The following ARL9 variants were observed in gnomAD, a reference collection of about 807,000 sequenced individuals.
The protein encoded by ARL9 is ARF like GTPase 9, also known as ADP-ribosylation factor-like protein 9.
In ARL9, 14 loss-of-function variants were observed where a neutral mutation model predicts 27.0. The ratio of observed to expected loss-of-function variants is 0.52; its 90% CI spans 0.34 to 0.81. The LOEUF (loss-of-function observed/expected upper bound fraction) is 0.81. Ranked by LOEUF, ARL9 falls within the 30% of genes least tolerant of loss-of-function variation. The pLI, the probability that ARL9 is intolerant of heterozygous loss-of-function variation, is 0.01. For missense variants in ARL9, 294 were observed against 290.0 expected, an observed-to-expected ratio of 1.01 and a Z score of -0.10; for synonymous variants, 106 against 108.7, an observed-to-expected ratio of 0.98 and a Z score of 0.15.
At position 56,524,090 on chromosome 4, in the gene ARL9, G is replaced by A; in HGVS notation, c.*214G>A. ...AAAACATTCAAAAAGTAAACCCACT[G>A]AAGAATAATAACACAACAATAAAAA... On this transcript the variant is annotated 3_prime_UTR_variant, in exon 4 of 4. Transcript: ENST00000640821. The A allele has an allele frequency of 2.2e-6, 1 of 448,752 alleles. No individual in the cohort carries two copies. Among genetic ancestry groups the A allele is most frequent in the Non-Finnish European group, 3.9e-6 (1 of 255,508 alleles). 27.8% of individuals were successfully genotyped at this position (448,752 alleles called of 1,614,324 possible). A position where few individuals can be genotyped will look rare whatever the true frequency, so the allele number is the denominator to read the frequency against.
Position 56,505,895 on chromosome 4 carries a change from G to C in ARL9, c.33G>C (p.Lys11Asn). 6 of 1,257,222 alleles carry C rather than the reference G, an allele frequency of 4.8e-6. No individual in the cohort carries two copies. Among genetic ancestry groups the C allele is most frequent in the Non-Finnish European group, 5.0e-6 (5 of 1,002,142 alleles). The allele number at this position is 1,257,222 out of a possible 1,614,324, so 77.9% of individuals were successfully genotyped here. A position where few individuals can be genotyped will look rare whatever the true frequency, so the allele number is the denominator to read the frequency against. ...GGGGGAAAGTGAAGAAGAAAGAGAAGGAAAAGGAGACGCAGGAGGAGAAAA... is the reference window on the plus strand; with the variant it reads ...GGGGGAAAGTGAAGAAGAAAGAGAACGAAAAGGAGACGCAGGAGGAGAAAA... Reference protein sequence around the residue: MERGKVKKKEKEKETQEEKIG... With the variant: MERGKVKKKENEKETQEEKIG... Residue 11 changes from lysine to asparagine, a missense_variant, in exon 1 of 4, where the codon AAG becomes AAC. Transcript: ENST00000640821.
intron 3 of ARL9, among the ~76,000 whole-genome samples, chr4:56,522,482 G>A (rs1049823738): frequency 6.6e-6 from 1 of 151,768 alleles, no homozygotes; most frequent in Admixed American, 6.6e-5. Flanking sequence ...GTTATTTCCA[G>A]AGATTTAAAA....
intron 1 of ARL9, among the ~76,000 whole-genome samples, chr4:56,507,496 G>A (rs945540226): frequency 1.3e-4 from 20 of 151,342 alleles, no homozygotes; most frequent in African/African-American, 4.6e-4. Context: ...TGTATTTTTG[G>A]TAGAGATGGG....
intron 2 of ARL9, among the ~76,000 whole-genome samples, chr4:56,513,291 T>A (rs1721688114): frequency 6.6e-6 from 1 of 152,220 alleles, no homozygotes. Context: ...TGGAGTATGT[T>A]GGGGATTGGT....
chr4:56,516,780 T>G (rs1458847059), intron 2 of ARL9, among the ~76,000 whole-genome samples: 1 of 151,772 alleles, frequency 6.6e-6, no homozygotes, highest in Non-Finnish European at 1.5e-5. Flanking sequence ...AAATACAAAA[T>G]TAGCCAAGCA....
At chr4:56,517,711 A>G (rs961722407) in intron 2 of ARL9, among the ~76,000 whole-genome samples, 11 of 152,198 alleles carry the variant, frequency 7.2e-5, no homozygotes, top group Admixed American at 3.3e-4. Flanking sequence ...TCCATTGTAT[A>G]TATGTTATTA....
At position 56,523,898 on chromosome 4, in the gene ARL9, G is replaced by T. The variant is rs181851273; in HGVS notation, c.*22G>T. ...GTGACCAGGACTCAGCCCACTGTGC[G>T]GCTCACGACTGAGATGTCATCAGTG... On this transcript the variant is annotated 3_prime_UTR_variant, in exon 4 of 4. Coordinates refer to ENST00000640821, the MANE Select transcript of ARL9 (RefSeq NM_001363794.2). The T allele has an allele frequency of 6.3e-7, 1 of 1,596,144 alleles. No homozygotes were observed. The highest frequency in any genetic ancestry group is 8.5e-7 in the Non-Finnish European group (1 of 1,170,756).
upstream of ARL9, chr4:56,505,419 G>A (rs1364908532): frequency 2.2e-6 from 1 of 458,486 alleles, no homozygotes. Flanking sequence ...AGGCTGGCCG[G>A]TCTCGGGATT....
chr4:56,516,032 T>G (rs1721757810), intron 2 of ARL9, among the ~76,000 whole-genome samples: 2 of 152,214 alleles, frequency 1.3e-5, no homozygotes, highest in Non-Finnish European at 2.9e-5. Context: ...ACTTGTCCTG[T>G]CAAGTATCAA....
upstream of ARL9, chr4:56,505,656 T>C (rs1721431656): frequency 3.7e-6 from 3 of 811,712 alleles, no homozygotes; most frequent in East Asian, 8.8e-5. Context: ...CCCCTGCGGG[T>C]TCAGCGAATC....
chr4:56,510,173 C>T (rs1438500729), intron 1 of ARL9, among the ~76,000 whole-genome samples: 1 of 151,654 alleles, frequency 6.6e-6, no homozygotes, highest in Non-Finnish European at 1.5e-5. Context: ...GCCTGACCAA[C>T]ATGGTGAAAC....
At chr4:56,517,177 T>C (rs1032798191) in intron 2 of ARL9, among the ~76,000 whole-genome samples, 1 of 152,220 alleles carries the variant, frequency 6.6e-6, no homozygotes, top group African/African-American at 2.4e-5. Context: ...AAACGTCCAC[T>C]GATGTTTAAA....
intron 3 of ARL9, among the ~76,000 whole-genome samples, chr4:56,521,993 CT>C (rs111319999): frequency 1.1e-3 from 154 of 143,454 alleles, no homozygotes; most frequent in Middle Eastern, 3.6e-3. Context: ...CTTTTCTTTT[CT>C]TTTTTTTTTT....
chr4:56,523,528 A>G (rs1721991379), intron 3 of ARL9, among the ~76,000 whole-genome samples, 169 bp from the exon 4 acceptor site: 1 of 152,200 alleles, frequency 6.6e-6, no homozygotes, highest in Non-Finnish European at 1.5e-5. Flanking sequence ...TTCTGATGAA[A>G]ACCTTTTTAT....
At chr4:56,519,553 C>T (rs1227690947) in intron 3 of ARL9, among the ~76,000 whole-genome samples, 3 of 151,648 alleles carry the variant, frequency 2.0e-5, no homozygotes, top group Non-Finnish European at 4.4e-5. Flanking sequence ...GAGATTGCAG[C>T]GAACCAAGAT....
At chr4:56,508,540 C>T (rs1560695432) in intron 1 of ARL9, among the ~76,000 whole-genome samples, 1 of 152,196 alleles carries the variant, frequency 6.6e-6, no homozygotes, top group African/African-American at 2.4e-5. Flanking sequence ...GCATTCGCCA[C>T]CACGCCCGGC....
chr4:56,513,300 G>A (rs1168745281), intron 2 of ARL9, among the ~76,000 whole-genome samples: 2 of 152,216 alleles, frequency 1.3e-5, no homozygotes, highest in Non-Finnish European at 1.5e-5. Context: ...TTGGGGATTG[G>A]TGGGAGGTGA....
chr4:56,508,446 G>A (rs867078445), intron 1 of ARL9, among the ~76,000 whole-genome samples: 3 of 151,850 alleles, frequency 2.0e-5, no homozygotes, highest in Non-Finnish European at 4.4e-5. Flanking sequence ...GCAATGGCGC[G>A]ATCTCAGCTC....
intron 3 of ARL9, among the ~76,000 whole-genome samples, chr4:56,520,399 A>G (rs1263092909): frequency 6.6e-6 from 1 of 152,232 alleles, no homozygotes; most frequent in Non-Finnish European, 1.5e-5. Flanking sequence ...TGAATAAGCC[A>G]GTCACAAAAG....
Sources: allele counts gnomAD v4.1 joint callset (sites outside exome capture counted in the v4.1 genomes callset), GRCh38; gene constraint gnomAD v4.1.1; transcripts MANE v1.5; gene names NCBI Gene and HGNC (gene_info 2026-07-23, HGNC 2026-07-21).